Variants in NAALADL2 observed in about 807,000 individuals in gnomAD.
NAALADL2 encodes the protein N-acetylated alpha-linked acidic dipeptidase like 2, also known as inactive N-acetylated-alpha-linked acidic dipeptidase-like protein 2.
Under a neutral mutation model 87.2 loss-of-function variants are expected in NAALADL2, and 76 were observed. The observed-to-expected ratio is 0.87, with a 90% CI of 0.72 to 1.05. The LOEUF (loss-of-function observed/expected upper bound fraction) is 1.05, where lower values mean the gene tolerates loss of function less well. Ranked by LOEUF, NAALADL2 falls within the 50% of genes least tolerant of loss-of-function variation. NAALADL2 has a pLI of 0.00. For synonymous variants in NAALADL2, 354 were observed against 331.0 expected (o/e 1.07, Z -0.75); for missense variants, 1,089 against 945.8 (o/e 1.15, Z -1.99).
chr3:174,669,391 T>G (rs1726304012), intron 2 of NAALADL2, among the ~76,000 whole-genome samples: 1 of 152,176 alleles, frequency 6.6e-6, no homozygotes, highest in Admixed American at 6.6e-5. Context: ...TATTTAGGTC[T>G]TAATCCATTT....
chr3:174,514,168 A>C (rs982594994), intron 1 of NAALADL2, among the ~76,000 whole-genome samples: 1 of 152,144 alleles, frequency 6.6e-6, no homozygotes, highest in African/African-American at 2.4e-5. Context: ...TAAGATAATG[A>C]ATTTTCCACC....
At chr3:174,481,207 G>A (rs371461163) in intron 1 of NAALADL2, among the ~76,000 whole-genome samples, 23 of 152,202 alleles carry the variant, frequency 1.5e-4, no homozygotes, top group African/African-American at 4.1e-4. Flanking sequence ...AGGAGTAGAG[G>A]AGTGCAATAG....
At chr3:174,584,298 T>A (rs1320753095) in intron 2 of NAALADL2, among the ~76,000 whole-genome samples, 1 of 152,124 alleles carries the variant, frequency 6.6e-6, no homozygotes, top group African/African-American at 2.4e-5. Flanking sequence ...CAGATACACA[T>A]AAACGTATAA....
intron 5 of NAALADL2, among the ~76,000 whole-genome samples, chr3:175,337,157 T>C (rs1762067115): frequency 1.3e-5 from 2 of 152,036 alleles, no homozygotes; most frequent in Admixed American, 6.6e-5. Context: ...CAATTACATA[T>C]TGTCTTATGT....
At chr3:175,168,169 T>A (rs1272438792) in intron 2 of NAALADL2, among the ~76,000 whole-genome samples, 1 of 149,980 alleles carries the variant, frequency 6.7e-6, no homozygotes, top group Non-Finnish European at 1.5e-5. Context: ...CATTAAAAAA[T>A]ATTTTTATGT....
chr3:175,441,190 G>GA (rs1485282314), intron 5 of NAALADL2, among the ~76,000 whole-genome samples: 12 of 151,308 alleles, frequency 7.9e-5, no homozygotes, highest in African/African-American at 2.2e-4. Context: ...AAGTATTTGG[G>GA]GAAAAAAAAA....
intron 1 of NAALADL2, among the ~76,000 whole-genome samples, chr3:175,063,268 G>A (rs1713892238): frequency 6.6e-6 from 1 of 152,060 alleles, no homozygotes; most frequent in Non-Finnish European, 1.5e-5. Flanking sequence ...TCGCTTGTTA[G>A]TTAAATAGTA....
At chr3:175,107,500 G>A (rs1435833102) in intron 2 of NAALADL2, among the ~76,000 whole-genome samples, 1 of 141,542 alleles carries the variant, frequency 7.1e-6, no homozygotes, top group African/African-American at 2.8e-5. Flanking sequence ...ACACAAGCAC[G>A]AACACACACA....
intron 10 of NAALADL2, among the ~76,000 whole-genome samples, chr3:175,613,901 A>C (rs185231300): frequency 1.3e-5 from 2 of 152,326 alleles, no homozygotes; most frequent in East Asian, 3.9e-4. Flanking sequence ...GGATTGACAT[A>C]ATCTCCCATA....
intron 11 of NAALADL2, among the ~76,000 whole-genome samples, chr3:175,685,997 C>T (rs1736242513): frequency 6.6e-6 from 1 of 152,214 alleles, no homozygotes; most frequent in African/African-American, 2.4e-5. Flanking sequence ...CTAACCATCA[C>T]AATGTATAAA....
intron 11 of NAALADL2, among the ~76,000 whole-genome samples, chr3:175,629,965 G>A (rs1181855404): frequency 6.6e-6 from 1 of 151,682 alleles, no homozygotes. Context: ...AGTGGATGTT[G>A]GAAAGAATTA....
At chr3:175,524,672 G>GT (rs1560702124) in intron 9 of NAALADL2, among the ~76,000 whole-genome samples, 1 of 151,988 alleles carries the variant, frequency 6.6e-6, no homozygotes, top group African/African-American at 2.4e-5. Context: ...ACAGTTATTA[G>GT]TATATTCCCT....
intron 13 of NAALADL2, among the ~76,000 whole-genome samples, chr3:175,766,327 G>C (rs932940208): frequency 5.3e-5 from 8 of 152,216 alleles, no homozygotes; most frequent in Admixed American, 4.6e-4. Flanking sequence ...TAACAATATA[G>C]TATAGAGGGG....
rs557802117 is a variant in NAALADL2, at chr3:174,906,405, T to G, written c.43+46955T>G. Among the ~76,000 whole-genome samples, 3 of 152,234 alleles carry G rather than the reference T, an allele frequency of 2.0e-5. No individual in the cohort carries two copies. In the South Asian group the frequency reaches 6.2e-4, roughly 32 times the overall value. ...ACTAATAGAATACAGAATGATTGAT[T>G]GAATGTCACTTCTGAGATTAAGTTT... On this transcript the variant is annotated intron_variant, in intron 1 of 13. Transcript: ENST00000454872.
At chr3:174,611,132 G>C (rs552666522) in intron 2 of NAALADL2, among the ~76,000 whole-genome samples, 2 of 148,500 alleles carry the variant, frequency 1.3e-5, no homozygotes, top group Non-Finnish European at 3.0e-5. Context: ...ACATGGACAC[G>C]GGAAGGGGAA....
At chr3:174,898,079 C>CAGA (rs1731802145) in intron 1 of NAALADL2, among the ~76,000 whole-genome samples, 2 of 105,444 alleles carry the variant, frequency 1.9e-5, no homozygotes, top group Non-Finnish European at 3.3e-5. Flanking sequence ...CGCCACTGCA[C>CAGA]TCCAGCCTGG....
At chr3:174,673,581 A>G (rs1726769092) in intron 2 of NAALADL2, among the ~76,000 whole-genome samples, 1 of 149,778 alleles carries the variant, frequency 6.7e-6, no homozygotes, top group Admixed American at 6.7e-5. Flanking sequence ...ACTCACATGT[A>G]AGAACTAAAA....
intron 11 of NAALADL2, among the ~76,000 whole-genome samples, chr3:175,629,439 C>T (rs1482405317): frequency 1.3e-5 from 2 of 150,666 alleles, no homozygotes; most frequent in South Asian, 4.2e-4. Flanking sequence ...ATATTCTAGA[C>T]ACTCAGAGTC....
chr3:175,070,579 C>T (rs1715447479), intron 1 of NAALADL2, among the ~76,000 whole-genome samples: 1 of 152,002 alleles, frequency 6.6e-6, no homozygotes, highest in Non-Finnish European at 1.5e-5. Flanking sequence ...TTCTGTTTGC[C>T]TAAGGTGTTT....
Sources: allele counts gnomAD v4.1 joint callset (sites outside exome capture counted in the v4.1 genomes callset), GRCh38; gene constraint gnomAD v4.1.1; transcripts MANE v1.5; gene names NCBI Gene and HGNC (gene_info 2026-07-23, HGNC 2026-07-21).